Variants in MYH2 observed in about 807,000 individuals in gnomAD.
The protein encoded by MYH2 is myosin-2.
In MYH2, 139 loss-of-function variants were observed where a neutral mutation model predicts 228.1. That is an observed-to-expected ratio of 0.61 (90% CI 0.53 to 0.70). MYH2 has a LOEUF of 0.70. MYH2 is among the 30% of genes least tolerant of loss of function. The probability of loss-of-function intolerance (pLI) is 0.00; values close to 1 mark genes in which losing one functional copy is unlikely to be tolerated. For synonymous variants in MYH2, 796 were observed against 871.1 expected (o/e 0.91, Z 1.52); for missense variants, 1,809 against 2,357.5 (o/e 0.77, Z 4.82).
At chr17:10,546,441 A>C (rs901909406) in intron 4 of MYH2, among the ~76,000 whole-genome samples, 1 of 151,748 alleles carries the variant, frequency 6.6e-6, no homozygotes, top group Admixed American at 6.6e-5. Flanking sequence ...ACTATGCAAA[A>C]ATATGAATAT....
chr17:10,544,740 C>G (rs2073603417), intron 5 of MYH2, among the ~76,000 whole-genome samples: 2 of 152,140 alleles, frequency 1.3e-5, no homozygotes, highest in African/African-American at 4.8e-5. Context: ...CAAGGTGCCA[C>G]AAGTAGTTTA....
At position 10,537,501 on chromosome 17, in the gene MYH2, G is replaced by A. The variant is rs761000564; in HGVS notation, c.1629C>T (p.Phe543=). The part of the protein sequence containing the change: ...IFSILEEECM[F]PKATDTSFKN... ...TGAAGGAGGTGTCTGTTGCCTTAGG[G>A]AACATGCACTCCTCTTCCAGGATGG... is the stretch of plus-strand genomic sequence containing the variant. Residue 543 remains phenylalanine, a synonymous_variant, in exon 16 of 40, where the codon TTC becomes TTT. Transcript: ENST00000245503. This position sits in a 1 kb window ranked among gnomAD's most constrained non-coding sequence, Gnocchi z 4.0. 7 of 1,614,080 alleles carry A rather than the reference G, an allele frequency of 4.3e-6. No homozygotes were observed. In the South Asian group the frequency reaches 6.6e-5, roughly 15 times the overall value.
chr17:10,538,538 G>A (rs1339901802), intron 14 of MYH2, among the ~76,000 whole-genome samples: 3 of 151,468 alleles, frequency 2.0e-5, no homozygotes, highest in Admixed American at 1.3e-4. Flanking sequence ...CCAGCTATTC[G>A]GGAGGCTGAG....
rs1422263027 is a variant in MYH2 at position 10,547,430 on chromosome 17, G to A, written c.348+45C>T. 3.1e-6 allele frequency: 5 copies of A among 1,610,342 alleles called. No homozygotes were observed. The South Asian group carries it at 5.5e-5, about 18-fold the overall frequency. On this transcript the variant is annotated intron_variant, in intron 4 of 39. Transcript: ENST00000245503. ...CTCAGTGGAAGAAGCAGGATGGTAG[G>A]GTACATGAGGATGATTATACAGAGC...
At chr17:10,546,264 T>TATATATATATATATTG (rs1479927168) in intron 4 of MYH2, among the ~76,000 whole-genome samples, 1 of 91,738 alleles carries the variant, frequency 1.1e-5, no homozygotes, top group African/African-American at 3.4e-5. Context: ...ATGATATATA[T>TATATATATATATATTG]ATATATATAT....
At position 10,548,192 on chromosome 17, in the gene MYH2, T is replaced by C. The variant is rs1294607226; in HGVS notation, c.-20-252A>G. Among the ~76,000 whole-genome samples the C allele has an allele frequency of 3.3e-5, 5 of 152,302 alleles. No homozygotes were observed. The Middle Eastern group carries it at 0.01, about 311-fold the overall frequency. On this transcript the variant is annotated intron_variant, in intron 2 of 39. Coordinates refer to ENST00000245503, the MANE Select transcript of MYH2 (RefSeq NM_017534.6). Reference sequence around the variant, plus strand: ...TCATCCTCCAGGACTCACATTCTCATTGGGAACTGAATTACAGTCCAGTGC... The same window carrying C: ...TCATCCTCCAGGACTCACATTCTCACTGGGAACTGAATTACAGTCCAGTGC...
At chr17:10,541,000 C>A (rs1196123930) in intron 10 of MYH2, among the ~76,000 whole-genome samples, 1 of 152,158 alleles carries the variant, frequency 6.6e-6, no homozygotes, top group East Asian at 1.9e-4. Flanking sequence ...ATTTCCTATG[C>A]CTGTCTTTAC....
At position 10,531,634 on chromosome 17, in the gene MYH2, G is replaced by T. The variant is rs2142303131; in HGVS notation, c.2696C>A (p.Ala899Asp). Residue 899 changes from alanine to aspartate, a missense_variant and splice_region_variant, in exon 22 of 40, where the codon GCT becomes GAT. Around this residue, in one of 9 missense-constraint regions of MYH2, gnomAD observed 276 missense variants for 344.2 expected, o/e 0.80. Transcript: ENST00000245503. ...EKNDLQLQVQ[A>D]EAEGLADAEE... Reference sequence around the variant, plus strand: ...ACCAAGGGTGATATTCCAACTCACAGCCTGAACTTGGAGCTGCAAGTCATT... The same window carrying T: ...ACCAAGGGTGATATTCCAACTCACATCCTGAACTTGGAGCTGCAAGTCATT... 1 of 1,614,172 alleles carries T rather than the reference G, an allele frequency of 6.2e-7. No homozygotes were observed. The highest frequency in any genetic ancestry group is 8.5e-7 in the Non-Finnish European group (1 of 1,180,012).
chr17:10,521,196 A>G lies in MYH2; in HGVS notation c.*84T>C. On this transcript the variant is annotated 3_prime_UTR_variant, in exon 40 of 40. Coordinates refer to ENST00000245503, the MANE Select transcript of MYH2 (RefSeq NM_017534.6). ...CTTTATTTCCTTTGCAACAGGGTAG[A>G]ATACACAATAATTACAGAGGGAAAT... 6.7e-7 allele frequency: 1 copy of G among 1,495,670 alleles called. No homozygotes were observed. Among genetic ancestry groups the G allele is most frequent in the Non-Finnish European group, 9.3e-7 (1 of 1,074,570 alleles). The allele number at this position is 1,495,670 out of a possible 1,614,324, so 92.6% of individuals were successfully genotyped here.
chr17:10,539,338 C>T lies in MYH2; in HGVS notation c.1283G>A (p.Gly428Asp). 6.2e-7 allele frequency: 1 copy of T among 1,614,188 alleles called. No homozygotes were observed. The highest frequency in any genetic ancestry group is 8.5e-7 in the Non-Finnish European group (1 of 1,180,046). The change falls in exon 14 of 40, where the codon GGT becomes GAT. Residue 428 changes from glycine to aspartate, a missense_variant. This residue lies in a region of MYH2 where 373 missense variants were observed against 620.4 expected (regional missense o/e 0.60). Transcript: ENST00000245503. ...CTCGTAGACGGCTTTGGCCAGAGCA[C>T]CTACTGCGTTGGACACCTTAAAAGA... ...QTVEQVSNAV[G>D]ALAKAVYEKM...
At chr17:10,544,789 C>T (rs1285605109) in intron 5 of MYH2, among the ~76,000 whole-genome samples, 1 of 152,182 alleles carries the variant, frequency 6.6e-6, no homozygotes, top group Non-Finnish European at 1.5e-5. Flanking sequence ...GAAGCAGATT[C>T]AACATCTAAC....
chr17:10,523,247 C>T, intron 38 of MYH2, 61 bp downstream of exon 38: 1 of 1,604,394 alleles, frequency 6.2e-7, no homozygotes, highest in Non-Finnish European at 8.5e-7. Context: ...TGCATCATTG[C>T]ATATGAGTAT....
rs773964603 is a variant in MYH2, at chr17:10,524,644, G to A, written c.4997C>T (p.Ala1666Val). ...CTTCAGGTCCTCCTGGCTCCGGAGA[G>A]CATCATCCAGGTGGATCTGGGTATC... ...LKDTQIHLDD[A>V]LRSQEDLKEQ... The change falls in exon 35 of 40, where the codon GCT (alanine) becomes GTT (valine). Residue 1666 changes from alanine to valine, a missense_variant. Around this residue, in one of 9 missense-constraint regions of MYH2, gnomAD observed 75 missense variants for 131.2 expected, o/e 0.57. Coordinates refer to ENST00000245503, the MANE Select transcript of MYH2 (RefSeq NM_017534.6). This position sits in a 1 kb window ranked among gnomAD's most constrained non-coding sequence, Gnocchi z 4.7. 46 of 1,614,218 alleles carry A rather than the reference G, an allele frequency of 2.8e-5. 1 individual carries two copies. The South Asian group carries it at 4.5e-4, about 16-fold the overall frequency.
chr17:10,523,794 T>A lies in MYH2; in HGVS notation c.5266A>T (p.Asn1756Tyr). Residue 1756 changes from asparagine (N) to tyrosine (Y), a missense_variant, in exon 36 of 40, where the codon AAT (asparagine) becomes TAT (tyrosine). By Grantham distance (143) the Asn-to-Tyr change is moderately radical. This residue lies in a region of MYH2 where 278 missense variants were observed against 308.5 expected (regional missense o/e 0.90). Coordinates refer to ENST00000245503, the MANE Select transcript of MYH2 (RefSeq NM_017534.6). The part of the protein sequence containing the change: ...EMEDILQEAR[N>Y]AEEKAKKAIT... ...GCCTTCTTGGCCTTTTCTTCTGCAT[T>A]GCGGGCTTCCTGGAGAATGTCCTCC... The A allele has an allele frequency of 6.2e-7, 1 of 1,614,252 alleles. No homozygotes were observed. Among genetic ancestry groups the A allele is most frequent in the Non-Finnish European group, 8.5e-7 (1 of 1,180,042 alleles).
rs758565468 is a variant in MYH2, at chr17:10,536,533, G to A, written c.1971C>T (p.Phe657=). The A allele has an allele frequency of 6.2e-6, 10 of 1,613,460 alleles. No homozygotes were observed. In the South Asian group the frequency reaches 1.1e-4, roughly 18 times the overall value. ...TCAAAAACAATTTCTTCCTTACTCTGAAAAGGGCAGACACTGTCTGGAAAG... is the reference window on the plus strand; with the variant it reads ...TCAAAAACAATTTCTTCCTTACTCTAAAAAGGGCAGACACTGTCTGGAAAG... The part of the protein sequence containing the change: ...GSSFQTVSAL[F]RENLNKLMTN... The change falls in exon 17 of 40, where the codon TTC becomes TTT. Residue 657 remains phenylalanine, a synonymous_variant. Coordinates refer to ENST00000245503, the MANE Select transcript of MYH2 (RefSeq NM_017534.6).
intron 39 of MYH2, 131 bp from the exon 40 acceptor site, chr17:10,521,563 G>A (rs914937223): frequency 1.5e-5 from 11 of 719,626 alleles, no homozygotes; most frequent in Non-Finnish European, 2.0e-5. Context: ...TTAATTTTAA[G>A]ATTTGTTTAT....
Position 10,533,266 on chromosome 17 carries a change from A to G in MYH2, c.2441+19T>C. On this transcript the variant is annotated intron_variant, in intron 21 of 39. Coordinates refer to ENST00000245503, the MANE Select transcript of MYH2 (RefSeq NM_017534.6). Reference sequence around the variant, plus strand: ...ATGTTTTTGAAGATGGAATATGTGAATAAACATATTTTTTATACCTTCTCT... The same window carrying G: ...ATGTTTTTGAAGATGGAATATGTGAGTAAACATATTTTTTATACCTTCTCT... 2 of 1,613,880 alleles carry G rather than the reference A, an allele frequency of 1.2e-6. No individual in the cohort carries two copies. Among genetic ancestry groups the G allele is most frequent in the Non-Finnish European group, 1.7e-6 (2 of 1,179,990 alleles).
At position 10,537,852 on chromosome 17, in the gene MYH2, G is replaced by A. The variant is rs1407998762; in HGVS notation, c.1417-17C>T. 2 of 1,614,086 alleles carry A rather than the reference G, an allele frequency of 1.2e-6. No homozygotes were observed. Among genetic ancestry groups the A allele is most frequent in the Non-Finnish European group, 1.7e-6 (2 of 1,180,018 alleles). ...GCTGTTGAACTAAATAAATAGATAT[G>A]TTTACTTCTCTCTTAAGCAAATTGA... On this transcript the variant is annotated splice_polypyrimidine_tract_variant and intron_variant, in intron 14 of 39. Transcript: ENST00000245503. The surrounding 1 kb of genome is among the most constrained non-coding windows in gnomAD (Gnocchi z 4.0).
In MYH2 at chr17:10,521,195, G is replaced by C; in HGVS notation, c.*85C>G. The C allele has an allele frequency of 6.7e-7, 1 of 1,491,648 alleles. No individual in the cohort carries two copies. Among genetic ancestry groups the C allele is most frequent in the Non-Finnish European group, 9.3e-7 (1 of 1,071,116 alleles). The allele number at this position is 1,491,648 out of a possible 1,614,324, so 92.4% of individuals were successfully genotyped here. On this transcript the variant is annotated 3_prime_UTR_variant, in exon 40 of 40. Coordinates refer to ENST00000245503, the MANE Select transcript of MYH2 (RefSeq NM_017534.6). ...GCTTTATTTCCTTTGCAACAGGGTAGAATACACAATAATTACAGAGGGAAA... is the reference window on the plus strand; with the variant it reads ...GCTTTATTTCCTTTGCAACAGGGTACAATACACAATAATTACAGAGGGAAA...
Sources: allele counts gnomAD v4.1 joint callset (sites outside exome capture counted in the v4.1 genomes callset), GRCh38; gene constraint gnomAD v4.1.1; regional missense constraint gnomAD v4.1.1; non-coding constraint Gnocchi (gnomAD v3.1); transcripts MANE v1.5; gene names NCBI Gene and HGNC (gene_info 2026-07-23, HGNC 2026-07-21).